Variants in RFX4 observed in about 807,000 individuals in gnomAD.
The protein encoded by RFX4 is regulatory factor X4.
A neutral mutation model predicts 95.0 loss-of-function variants in RFX4; 10 were observed. That is an observed-to-expected ratio of 0.11 (90% CI 0.06 to 0.18). The LOEUF (loss-of-function observed/expected upper bound fraction) is 0.18. RFX4 is among the 10% of genes least tolerant of loss of function. RFX4 has a pLI of 1.00. For synonymous variants in RFX4, 321 were observed against 340.7 expected (o/e 0.94, Z 0.64); for missense variants, 640 against 922.0 (o/e 0.69, Z 3.96).
intron 2 of RFX4, among the ~76,000 whole-genome samples, chr12:106,625,494 T>G (rs547181928): frequency 1.3e-5 from 2 of 152,324 alleles, no homozygotes; most frequent in Admixed American, 6.5e-5. Context: ...CTAGTAGATG[T>G]CAGTAGATAT....
At chr12:106,740,571 A>G in intron 15 of RFX4, among the ~76,000 whole-genome samples, 1 of 152,140 alleles carries the variant, frequency 6.6e-6, no homozygotes, top group East Asian at 1.9e-4. Flanking sequence ...TCATTCATTC[A>G]TTTGTTCATT....
At chr12:106,598,355 G>GA (rs1307010499) in intron 1 of RFX4, among the ~76,000 whole-genome samples, 1 of 152,044 alleles carries the variant, frequency 6.6e-6, no homozygotes, top group South Asian at 2.1e-4. Flanking sequence ...AGTGACCTAG[G>GA]AAAAATCTGC....
intron 4 of RFX4, among the ~76,000 whole-genome samples, chr12:106,667,606 G>A (rs1054865102): frequency 2.6e-5 from 4 of 152,136 alleles, no homozygotes; most frequent in African/African-American, 9.7e-5. Flanking sequence ...CAATTCAGGT[G>A]TTCCTACCAC....
intron 11 of RFX4, among the ~76,000 whole-genome samples, chr12:106,716,070 A>C (rs952253598): frequency 3.3e-5 from 5 of 152,208 alleles, no homozygotes; most frequent in Middle Eastern, 3.2e-3. Flanking sequence ...GACTGCAGGT[A>C]TACTGCTCCA....
Position 106,702,485 on chromosome 12 carries a change from A to G in RFX4, c.833+6039A>G, listed in dbSNP as rs181210275. 2.4e-4 allele frequency among the ~76,000 whole-genome samples: 36 copies of G among 151,912 alleles called. 1 individual carries two copies. The East Asian group carries it at 6.2e-3, about 26-fold the overall frequency. Reference sequence around the variant, plus strand: ...TTGGGTTGTTTCCCTTAATGTGCCTACTCCTTTACCTGTAGGCCATCCCTA... The same window carrying G: ...TTGGGTTGTTTCCCTTAATGTGCCTGCTCCTTTACCTGTAGGCCATCCCTA... On this transcript the variant is annotated intron_variant, in intron 8 of 17. Coordinates refer to ENST00000392842, the MANE Select transcript of RFX4 (RefSeq NM_213594.3).
At chr12:106,724,757 C>T (rs2042458975) in intron 13 of RFX4, among the ~76,000 whole-genome samples, 1 of 152,146 alleles carries the variant, frequency 6.6e-6, no homozygotes, top group South Asian at 2.1e-4. Flanking sequence ...CGCGATGGCT[C>T]ACACCTGTAA....
chr12:106,604,311 G>A (rs967656871), intron 1 of RFX4, among the ~76,000 whole-genome samples: 4 of 151,568 alleles, frequency 2.6e-5, no homozygotes, highest in Admixed American at 6.6e-5. Context: ...TAGTAGAGAC[G>A]GGGTTTCGCC....
chr12:106,655,966 T>C (rs1344351245), intron 4 of RFX4, among the ~76,000 whole-genome samples: 1 of 152,204 alleles, frequency 6.6e-6, no homozygotes, highest in South Asian at 2.1e-4. Context: ...ATAAAAACCC[T>C]CACCACTTGT....
At chr12:106,679,960 T>A (rs1037281293) in intron 4 of RFX4, among the ~76,000 whole-genome samples, 1 of 152,132 alleles carries the variant, frequency 6.6e-6, no homozygotes, top group African/African-American at 2.4e-5. Context: ...GTCACCACAA[T>A]TTGAGAAGGA....
At chr12:106,656,781 A>T (rs2040968822) in intron 4 of RFX4, among the ~76,000 whole-genome samples, 1 of 152,118 alleles carries the variant, frequency 6.6e-6, no homozygotes, top group African/African-American at 2.4e-5. Context: ...CTATGCCCAT[A>T]GAGGTACCTC....
intron 15 of RFX4, among the ~76,000 whole-genome samples, chr12:106,741,412 A>G (rs914119666): frequency 2.0e-5 from 3 of 152,248 alleles, no homozygotes; most frequent in Non-Finnish European, 1.5e-5. Flanking sequence ...AATCCTGTCA[A>G]GCAACATCGT....
intron 13 of RFX4, among the ~76,000 whole-genome samples, chr12:106,724,291 G>C (rs2042449941): frequency 6.6e-6 from 1 of 152,198 alleles, no homozygotes; most frequent in Non-Finnish European, 1.5e-5. Flanking sequence ...GGTGAGAAGG[G>C]AGCTTGGAGA....
intron 3 of RFX4, chr12:106,646,055 A>G (rs1418263689): frequency 2.5e-6 from 2 of 798,420 alleles, no homozygotes; most frequent in Non-Finnish European, 1.8e-6. Flanking sequence ...TAAATGTGTC[A>G]AATGGTAAAG....
chr12:106,648,271 G>T (rs2040787856), intron 3 of RFX4, among the ~76,000 whole-genome samples: 1 of 152,202 alleles, frequency 6.6e-6, no homozygotes, highest in Non-Finnish European at 1.5e-5. Context: ...CGGTAGGAAG[G>T]TGATGGATCG....
chr12:106,641,732 A>C (rs1226048997), intron 3 of RFX4, among the ~76,000 whole-genome samples: 1 of 152,172 alleles, frequency 6.6e-6, no homozygotes, highest in Non-Finnish European at 1.5e-5. Flanking sequence ...AAAGACATCA[A>C]GTTGTTCAAA....
At chr12:106,670,002 T>C (rs2041251567) in intron 4 of RFX4, among the ~76,000 whole-genome samples, 1 of 152,062 alleles carries the variant, frequency 6.6e-6, no homozygotes, top group Non-Finnish European at 1.5e-5. Context: ...AGTTTCCTCA[T>C]CTGTAAAATG....
intron 8 of RFX4, among the ~76,000 whole-genome samples, 158 bp from the exon 9 acceptor site, chr12:106,709,172 G>C (rs2042146802): frequency 6.6e-6 from 1 of 152,172 alleles, no homozygotes; most frequent in South Asian, 2.1e-4. Context: ...GCTCTCCACA[G>C]GGCTTGGACT....
In RFX4 at chr12:106,713,631, G is replaced by A. The variant is rs541638283; in HGVS notation, c.994-1769G>A. On this transcript the variant is annotated intron_variant, in intron 10 of 17. Coordinates refer to ENST00000392842, the MANE Select transcript of RFX4 (RefSeq NM_213594.3). Reference sequence around the variant, plus strand: ...CACAATCACTGAAAGAGAAGCGATCGGATAACAGTAGCCACTTTTATTGAG... The same window carrying A: ...CACAATCACTGAAAGAGAAGCGATCAGATAACAGTAGCCACTTTTATTGAG... Among the ~76,000 whole-genome samples, 8 of 152,204 alleles carry A rather than the reference G, an allele frequency of 5.3e-5. No individual in the cohort carries two copies. The South Asian group carries it at 8.3e-4, about 16-fold the overall frequency.
chr12:106,676,530 C>T (rs978790050), intron 4 of RFX4, among the ~76,000 whole-genome samples: 2 of 152,188 alleles, frequency 1.3e-5, no homozygotes, highest in Admixed American at 6.5e-5. Flanking sequence ...CTCAATTATG[C>T]AAATAATGAT....
Sources: gnomAD v4.1 joint callset for allele counts (sites outside exome capture counted in the v4.1 genomes callset) on GRCh38, gnomAD v4.1.1 for gene constraint, MANE v1.5 for transcripts, NCBI Gene and HGNC (gene_info 2026-07-23, HGNC 2026-07-21) for gene names.